Variants in PTGFRN observed in about 807,000 individuals in gnomAD.
The protein encoded by PTGFRN is prostaglandin F2 receptor negative regulator.
A neutral mutation model predicts 83.2 loss-of-function variants in PTGFRN; 35 were observed. The observed-to-expected ratio is 0.42, with a 90% CI of 0.32 to 0.56. The LOEUF (loss-of-function observed/expected upper bound fraction) is 0.56, where lower values mean the gene tolerates loss of function less well. Ranked by LOEUF, PTGFRN falls within the 20% of genes least tolerant of loss-of-function variation. The pLI is 0.11. For missense variants in PTGFRN, 1,051 were observed against 1,179.5 expected, an observed-to-expected ratio of 0.89 and a Z score of 1.60; for synonymous variants, 519 against 498.6, an observed-to-expected ratio of 1.04 and a Z score of -0.55.
chr1:116,964,915 G>T (rs908516219), intron 5 of PTGFRN, among the ~76,000 whole-genome samples: 1 of 152,200 alleles, frequency 6.6e-6, no homozygotes, highest in South Asian at 2.1e-4. Flanking sequence ...CTCCCAGATC[G>T]TCTCCTTGCT....
intron 1 of PTGFRN, among the ~76,000 whole-genome samples, chr1:116,919,668 C>T (rs948206084): frequency 2.0e-5 from 3 of 152,244 alleles, no homozygotes; most frequent in African/African-American, 7.2e-5. Context: ...CTCAGGGTCA[C>T]AGTGTAAGTG....
Position 116,984,751 on chromosome 1 carries a change from T to C in PTGFRN, c.2239T>C (p.Ser747Pro). ...FGLDKAPVLL[S>P]SLDRKGIVTT... is the part of the protein sequence containing the mutation. ...CCTGGACAAGGCTCCTGTGCTCCTG[T>C]CTTCCCTGGATCGGAAGGGCATCGT... The change falls in exon 8 of 9, where the codon TCT becomes CCT. Residue 747 changes from serine to proline, a missense_variant. Physicochemically the swap from Ser to Pro is moderately conservative, Grantham distance 74. This residue lies in a region of PTGFRN where 719 missense variants were observed against 836.6 expected (regional missense o/e 0.86). Transcript: ENST00000393203. 6.2e-7 allele frequency: 1 copy of C among 1,614,170 alleles called. No homozygotes were observed. Among genetic ancestry groups the C allele is most frequent in the Non-Finnish European group, 8.5e-7 (1 of 1,180,032 alleles).
At chr1:116,962,659 AT>A (rs1650697043) in intron 5 of PTGFRN, among the ~76,000 whole-genome samples, 3 of 152,212 alleles carry the variant, frequency 2.0e-5, no homozygotes, top group Non-Finnish European at 4.4e-5. Context: ...TATATGCTAC[AT>A]TAGACCGTCT....
At chr1:116,930,797 G>A (rs17036591) in intron 1 of PTGFRN, among the ~76,000 whole-genome samples, 38,217 of 151,938 alleles carry the variant, frequency 0.25, 5,345 homozygotes, top group African/African-American at 0.37. Flanking sequence ...TAGTCACCCT[G>A]TCTTCACCAC....
chr1:116,964,483 G>A (rs1422655803), intron 5 of PTGFRN, among the ~76,000 whole-genome samples: 4 of 151,972 alleles, frequency 2.6e-5, no homozygotes, highest in Admixed American at 2.0e-4. Context: ...TTTTGGACCC[G>A]GAAACATTAG....
chr1:116,957,104 ACT>A (rs35590261), intron 4 of PTGFRN, among the ~76,000 whole-genome samples: 120,911 of 139,656 alleles, frequency 0.87, 52,071 homozygotes, highest in South Asian at 0.92. Context: ...CAAGGTTTTA[ACT>A]CTCTCTCTCT....
rs554693361 is a variant in PTGFRN, at chr1:116,929,831, A to G, written c.50-11884A>G. On this transcript the variant is annotated intron_variant, in intron 1 of 8. Coordinates refer to ENST00000393203, the MANE Select transcript of PTGFRN (RefSeq NM_020440.4). ...TGGGGGACTGACTGGCTGACTTTGC[A>G]GGATGAACCCCCTGCTTGCTGCTTC... 3.3e-5 allele frequency among the ~76,000 whole-genome samples: 5 copies of G among 152,288 alleles called. No individual in the cohort carries two copies. In the South Asian group the frequency reaches 1.0e-3, roughly 32 times the overall value.
At chr1:116,949,888 A>G (rs1291187165) in intron 4 of PTGFRN, among the ~76,000 whole-genome samples, 1 of 152,158 alleles carries the variant, frequency 6.6e-6, no homozygotes, top group Non-Finnish European at 1.5e-5. Context: ...TGTTGGAGGG[A>G]GAACACTGCC....
intron 1 of PTGFRN, among the ~76,000 whole-genome samples, chr1:116,935,920 A>G (rs1649911487): frequency 6.6e-6 from 1 of 152,176 alleles, no homozygotes; most frequent in Non-Finnish European, 1.5e-5. Flanking sequence ...TTTCGTATGA[A>G]GGTTTCTTAT....
At chr1:116,940,273 G>A (rs964809384) in intron 1 of PTGFRN, among the ~76,000 whole-genome samples, 2 of 152,166 alleles carry the variant, frequency 1.3e-5, no homozygotes, top group South Asian at 4.2e-4. Flanking sequence ...AATCTGTTCC[G>A]TGCTTCTCCC....
chr1:116,944,825 C>G lies in PTGFRN; in HGVS notation c.565C>G (p.Arg189Gly). The G allele has an allele frequency of 1.9e-6, 3 of 1,578,134 alleles. No homozygotes were observed. Among genetic ancestry groups the G allele is most frequent in the Non-Finnish European group, 2.6e-6 (3 of 1,165,382 alleles). ...CCTGGCGCTGCTGTGGGAGGTGCAC[C>G]GCGGCCCGGCCAGGCGGAGCGTCCT... ...THLALLWEVH[R>G]GPARRSVLAL... The change falls in exon 3 of 9, where the codon CGC (arginine) becomes GGC (glycine). Residue 189 changes from arginine to glycine, a missense_variant. Physicochemically the swap from Arg to Gly is moderately radical, Grantham distance 125. Transcript: ENST00000393203.
chr1:116,980,977 A>C (rs1414213635), intron 7 of PTGFRN, among the ~76,000 whole-genome samples: 1 of 152,218 alleles, frequency 6.6e-6, no homozygotes, highest in Admixed American at 6.5e-5. Context: ...ATGCAGAGCA[A>C]AGGAGTAGCT....
At chr1:116,922,514 C>T (rs1649561668) in intron 1 of PTGFRN, among the ~76,000 whole-genome samples, 3 of 152,158 alleles carry the variant, frequency 2.0e-5, no homozygotes, top group Admixed American at 2.0e-4. Flanking sequence ...ATACGTGGCT[C>T]ATAAATAATT....
Position 116,918,523 on chromosome 1 carries a change from C to T in PTGFRN, c.49+8271C>T, listed in dbSNP as rs912338370. Among the ~76,000 whole-genome samples the T allele has an allele frequency of 5.3e-5, 8 of 152,084 alleles. No individual in the cohort carries two copies. Among genetic ancestry groups the T allele is most frequent in the South Asian group, 2.1e-4 (1 of 4,810 alleles). ...TCAAAGTTTGTATTTGAACAAGATC[C>T]GCAGGGGATTCAAATGCATGCTAAA... On this transcript the variant is annotated intron_variant, in intron 1 of 8. Coordinates refer to ENST00000393203, the MANE Select transcript of PTGFRN (RefSeq NM_020440.4). The surrounding 1 kb of genome is among the most constrained non-coding windows in gnomAD (Gnocchi z 4.1).
chr1:116,947,780 G>A (rs1650238092), intron 3 of PTGFRN, among the ~76,000 whole-genome samples: 1 of 152,206 alleles, frequency 6.6e-6, no homozygotes, highest in African/African-American at 2.4e-5. Context: ...CTGGCTCAGG[G>A]CAGCAGTTTC....
rs1293720024 is a variant in PTGFRN, at chr1:116,945,019, C to T, written c.759C>T (p.Ile253=). 2 of 1,613,752 alleles carry T rather than the reference C, an allele frequency of 1.2e-6. No homozygotes were observed. The highest frequency in any genetic ancestry group is 2.7e-5 in the African/African-American group (2 of 74,920). The change falls in exon 3 of 9, where the codon ATC becomes ATT. Residue 253 remains isoleucine (I), a synonymous_variant. Transcript: ENST00000393203. ...ACAGGTGTATCGTCAGCGAGTGGAT[C>T]GCCGAGCAGGGCAACTGGCAGGAAA... ...GSYRCIVSEW[I]AEQGNWQEIQ... is the part of the protein sequence containing the mutation.
At chr1:116,938,306 TAA>T (rs1649974256) in intron 1 of PTGFRN, among the ~76,000 whole-genome samples, 1 of 152,170 alleles carries the variant, frequency 6.6e-6, no homozygotes, top group African/African-American at 2.4e-5. Context: ...ACGCTGCTGA[TAA>T]AGACATACCC....
intron 1 of PTGFRN, among the ~76,000 whole-genome samples, chr1:116,915,056 A>G (rs886672276): frequency 7.9e-5 from 12 of 152,234 alleles, no homozygotes; most frequent in Non-Finnish European, 1.8e-4. Context: ...TAACTTGTCT[A>G]GAGACATACA....
chr1:116,919,767 A>G (rs1281182016), intron 1 of PTGFRN, among the ~76,000 whole-genome samples: 1 of 152,250 alleles, frequency 6.6e-6, no homozygotes, highest in Non-Finnish European at 1.5e-5. Flanking sequence ...ATGTTAGTCA[A>G]AATATATCTT....
Sources: gnomAD v4.1 joint callset for allele counts (sites outside exome capture counted in the v4.1 genomes callset) on GRCh38, gnomAD v4.1.1 for gene constraint, gnomAD v4.1.1 regional missense constraint, Gnocchi (gnomAD v3.1) non-coding constraint, MANE v1.5 for transcripts, NCBI Gene and HGNC (gene_info 2026-07-23, HGNC 2026-07-21) for gene names.